The following DOT1L variants were observed in gnomAD, a reference collection of about 807,000 sequenced individuals.
DOT1L encodes the protein DOT1 like histone lysine methyltransferase.
A neutral mutation model predicts 153.3 loss-of-function variants in DOT1L; 33 were observed. The observed-to-expected ratio is 0.22, with a 90% confidence interval of 0.16 to 0.29. The LOEUF (loss-of-function observed/expected upper bound fraction) is 0.29, where lower values mean the gene tolerates loss of function less well. Ranked by LOEUF, DOT1L falls within the 10% of genes least tolerant of loss-of-function variation. The pLI, the probability that DOT1L is intolerant of heterozygous loss-of-function variation, is 1.00. For synonymous variants in DOT1L, 1,135 were observed against 965.1 expected (o/e 1.18, Z -3.26); for missense variants, 1,847 against 2,119.9 (o/e 0.87, Z 2.53).
rs1351719893 is a variant in DOT1L, at chr19:2,208,059, G to C, written c.963+379G>C. The stretch of plus-strand genomic sequence containing the variant: ...TGTTCCCAGCTTCCTCCATGTGAGA[G>C]GGTCCTGAGCGGGGAGACACCAGGG... On this transcript the variant is annotated intron_variant, in intron 11 of 27. Transcript: ENST00000398665. This position sits in a 1 kb window ranked among gnomAD's most constrained non-coding sequence, Gnocchi z 4.4. Among the ~76,000 whole-genome samples, 1 of 152,170 alleles carries C rather than the reference G, an allele frequency of 6.6e-6. No homozygotes were observed. The highest frequency in any genetic ancestry group is 1.5e-5 in the Non-Finnish European group (1 of 68,010).
chr19:2,225,040 C>T (rs1370806385), intron 25 of DOT1L, among the ~76,000 whole-genome samples: 6 of 152,268 alleles, frequency 3.9e-5, no homozygotes, highest in Middle Eastern at 3.4e-3. Flanking sequence ...TGAGAGGGGC[C>T]GGGAGAGGGA....
chr19:2,175,786 C>T (rs956740291), intron 1 of DOT1L, among the ~76,000 whole-genome samples: 3 of 152,136 alleles, frequency 2.0e-5, no homozygotes, highest in African/African-American at 4.8e-5. Flanking sequence ...GCCGAGACTG[C>T]GCCATTGAAC....
chr19:2,196,835 C>T (rs963697768), intron 7 of DOT1L, among the ~76,000 whole-genome samples: 4 of 152,212 alleles, frequency 2.6e-5, no homozygotes, highest in East Asian at 3.8e-4. Context: ...CCCCTGGCCG[C>T]GGAGCACGGT....
intron 27 of DOT1L, 200 bp from the exon 28 acceptor site, chr19:2,229,585 G>A (rs76578052): frequency 0.025 from 24,533 of 985,480 alleles, 321 homozygotes; most frequent in Non-Finnish European, 0.028. Context: ...GCGTGTCCAG[G>A]TGTCAGGCTC....
rs1270101199 is a variant in DOT1L at position 2,208,280 on chromosome 19, T to TTTGG, written c.963+605_963+608dup. ...GCTTCCCCTGGTCTCTTTCCCGTCC[T>TTTGG]TTGGTTGGGCACTCTGTTCCTGTTG... On this transcript the variant is annotated intron_variant, in intron 11 of 27. Coordinates refer to ENST00000398665, the MANE Select transcript of DOT1L (RefSeq NM_032482.3). This position sits in a 1 kb window ranked among gnomAD's most constrained non-coding sequence, Gnocchi z 4.4. Among the ~76,000 whole-genome samples the TTTGG allele has an allele frequency of 6.6e-6, 1 of 152,090 alleles. No homozygotes were observed. The highest frequency in any genetic ancestry group is 1.5e-5 in the Non-Finnish European group (1 of 67,996).
rs542539784 is a variant in DOT1L, at chr19:2,190,928, G to A, written c.265-84G>A. 3 of 1,345,136 alleles carry A rather than the reference G, an allele frequency of 2.2e-6. No homozygotes were observed. The highest frequency in any genetic ancestry group is 1.5e-5 in the African/African-American group (1 of 67,658). The allele number at this position is 1,345,136 out of a possible 1,614,324, so 83.3% of individuals were successfully genotyped here. A position where few individuals can be genotyped will look rare whatever the true frequency, so the allele number is the denominator to read the frequency against. On this transcript the variant is annotated intron_variant, in intron 4 of 27. Coordinates refer to ENST00000398665, the MANE Select transcript of DOT1L (RefSeq NM_032482.3). The surrounding 1 kb of genome is among the most constrained non-coding windows in gnomAD (Gnocchi z 4.8). ...GCCATGCAGCCGACTCCCTGCTTCC[G>A]CTGGGAAAGGTCCCGGGTCTTGGTG...
chr19:2,226,195 C>G lies in DOT1L; in HGVS notation c.3674C>G (p.Ala1225Gly), dbSNP rs762727256. 1 of 1,514,368 alleles carries G rather than the reference C, an allele frequency of 6.6e-7. No individual in the cohort carries two copies. Among genetic ancestry groups the G allele is most frequent in the South Asian group, 1.3e-5 (1 of 75,582 alleles). The allele number at this position is 1,514,368 out of a possible 1,614,324, so 93.8% of individuals were successfully genotyped here. Residue 1225 changes from alanine (A) to glycine (G), a missense_variant, in exon 27 of 28, where the codon GCG (alanine) becomes GGG (glycine). Coordinates refer to ENST00000398665, the MANE Select transcript of DOT1L (RefSeq NM_032482.3). ...PKTLENGGGL[A>G]GRKPAPAGEP... ...TCCTCTTTGCCAGGTGGTGGCTTGG[C>G]GGGAAGGAAGCCCGCGCCCGCCGGC...
intron 1 of DOT1L, among the ~76,000 whole-genome samples, chr19:2,169,288 C>G (rs1388255624): frequency 1.3e-5 from 2 of 152,116 alleles, no homozygotes; most frequent in African/African-American, 4.8e-5. Context: ...CCAGCTCCCC[C>G]GGAGGCAGAT....
intron 12 of DOT1L, 77 bp downstream of exon 12, chr19:2,209,053 C>T: frequency 9.2e-6 from 14 of 1,529,698 alleles, no homozygotes; most frequent in Middle Eastern, 1.7e-4. Flanking sequence ...CGTGCGCAGC[C>T]GGGTTCAGGA....
rs554622188 is a variant in DOT1L, at chr19:2,209,066, C to G, written c.1005+90C>G. The G allele has an allele frequency of 1.3e-4, 184 of 1,459,820 alleles. 3 individuals carry two copies. In the South Asian group the frequency reaches 1.8e-3, roughly 14 times the overall value. 90.4% of individuals were successfully genotyped at this position (1,459,820 alleles called of 1,614,324 possible). On this transcript the variant is annotated intron_variant, in intron 12 of 27. Coordinates refer to ENST00000398665, the MANE Select transcript of DOT1L (RefSeq NM_032482.3). ...GCCGTGCGCAGCCGGGTTCAGGAGC[C>G]ACGACTGGAGCACAGCCCTGCCGCC...
chr19:2,181,821 G>T (rs1033686500), intron 2 of DOT1L, among the ~76,000 whole-genome samples: 1 of 150,648 alleles, frequency 6.6e-6, no homozygotes, highest in East Asian at 2.0e-4. Flanking sequence ...TGCTTCTGGC[G>T]GCCAGCCGCC....
intron 19 of DOT1L, 52 bp downstream of exon 19, chr19:2,214,648 C>T (rs2023835345): frequency 1.3e-6 from 2 of 1,596,708 alleles, no homozygotes; most frequent in East Asian, 2.3e-5. Flanking sequence ...CTCCCATCAG[C>T]CTCCCTGTGA....
chr19:2,225,379 T>G lies in DOT1L; in HGVS notation c.3597-9T>G. 1 of 1,613,900 alleles carries G rather than the reference T, an allele frequency of 6.2e-7. No homozygotes were observed. The highest frequency in any genetic ancestry group is 1.1e-5 in the South Asian group (1 of 91,080). ...GTTTCAAGCATTAATGACCTTTTTT[T>G]CTTAACAGAATTGAGAGAAAAATTG... On this transcript the variant is annotated splice_polypyrimidine_tract_variant and intron_variant, in intron 25 of 27. Transcript: ENST00000398665.
intron 8 of DOT1L, among the ~76,000 whole-genome samples, chr19:2,201,503 C>T (rs2023280853): frequency 6.6e-6 from 1 of 152,184 alleles, no homozygotes; most frequent in Non-Finnish European, 1.5e-5. Flanking sequence ...GTTTGGGGAA[C>T]AAGTAGAAAA....
At chr19:2,198,824 C>G (rs555930878) in intron 7 of DOT1L, among the ~76,000 whole-genome samples, 1 of 152,176 alleles carries the variant, frequency 6.6e-6, no homozygotes, top group South Asian at 2.1e-4. Flanking sequence ...CCTCTGTGTC[C>G]GGCGTCTCTC....
At chr19:2,178,775 C>G (rs561234532) in intron 1 of DOT1L, among the ~76,000 whole-genome samples, 2 of 152,218 alleles carry the variant, frequency 1.3e-5, no homozygotes, top group African/African-American at 4.8e-5. Flanking sequence ...CCTTGTTAGC[C>G]AGGATGGTCT....
chr19:2,213,793 G>A, intron 17 of DOT1L, 56 bp from the exon 18 acceptor site: 1 of 1,609,388 alleles, frequency 6.2e-7, no homozygotes, highest in Non-Finnish European at 8.5e-7. Flanking sequence ...ATGCCTGGGG[G>A]CTTACTTCAC....
rs1007512397 is a variant in DOT1L at position 2,222,588 on chromosome 19, A to G, written c.3390+29A>G. On this transcript the variant is annotated intron_variant, in intron 24 of 27. Coordinates refer to ENST00000398665, the MANE Select transcript of DOT1L (RefSeq NM_032482.3). This position sits in a 1 kb window ranked among gnomAD's most constrained non-coding sequence, Gnocchi z 6.5. ...AGGATGGGGACCGGCAGGGCTGGGG[A>G]GCGCGGCCTGTGAAAGAAAGACCAG... The G allele has an allele frequency of 6.6e-7, 1 of 1,505,810 alleles. No individual in the cohort carries two copies. Among genetic ancestry groups the G allele is most frequent in the East Asian group, 2.3e-5 (1 of 43,608 alleles). The allele number at this position is 1,505,810 out of a possible 1,614,324, so 93.3% of individuals were successfully genotyped here.
chr19:2,205,461 A>G (rs990549759), intron 9 of DOT1L, among the ~76,000 whole-genome samples: 7 of 152,042 alleles, frequency 4.6e-5, no homozygotes, highest in Non-Finnish European at 7.4e-5. Flanking sequence ...ACTTTTTTGT[A>G]TTTTTAGTAG....
Sources: allele counts gnomAD v4.1 joint callset (sites outside exome capture counted in the v4.1 genomes callset), GRCh38; gene constraint gnomAD v4.1.1; non-coding constraint Gnocchi (gnomAD v3.1); transcripts MANE v1.5; gene names NCBI Gene and HGNC (gene_info 2026-07-23, HGNC 2026-07-21).